PON1: variants seen among roughly 807,000 people sequenced by gnomAD.
PON1 encodes the protein paraoxonase 1, also known as serum paraoxonase/arylesterase 1.
PON1 carries 37 observed loss-of-function variants against 39.2 expected under a neutral mutation model. That is an observed-to-expected ratio of 0.94 (90% CI 0.73 to 1.24). The LOEUF is 1.24. Ranked by LOEUF, PON1 falls within the 50% of genes most tolerant of loss-of-function variation. The pLI, the probability that PON1 is intolerant of heterozygous loss-of-function variation, is 0.00. For missense variants in PON1, 397 were observed against 413.5 expected, an observed-to-expected ratio of 0.96 and a Z score of 0.35; for synonymous variants, 148 against 152.2, an observed-to-expected ratio of 0.97 and a Z score of 0.21.
intron 7 of PON1, 198 bp from the exon 8 acceptor site, chr7:95,302,531 C>T (rs1417380519): frequency 7.0e-6 from 4 of 570,540 alleles, no homozygotes; most frequent in Non-Finnish European, 1.2e-5. Context: ...TGTCAGTTTC[C>T]AGGGCAGAAT....
chr7:95,318,212 C>G, intron 2 of PON1, 111 bp downstream of exon 2: 1 of 883,148 alleles, frequency 1.1e-6, no homozygotes. Flanking sequence ...CACTGACTCT[C>G]CTGATTCAAA....
chr7:95,321,856 A>G (rs1042396823), intron 1 of PON1, among the ~76,000 whole-genome samples: 5 of 152,312 alleles, frequency 3.3e-5, no homozygotes, highest in African/African-American at 1.2e-4. Context: ...ACCCTCAGGA[A>G]CCTTCACATA....
chr7:95,319,104 G>T (rs532130720), intron 1 of PON1, among the ~76,000 whole-genome samples: 1 of 147,328 alleles, frequency 6.8e-6, no homozygotes, highest in Non-Finnish European at 1.5e-5. Context: ...GACGACGTTA[G>T]CACAACCAAG....
rs529548710 is a variant in PON1 at position 95,323,487 on chromosome 7, A to C, written c.74+915T>G. Among the ~76,000 whole-genome samples the C allele has an allele frequency of 2.6e-5, 4 of 152,260 alleles. No homozygotes were observed. In the East Asian group the frequency reaches 7.7e-4, roughly 29 times the overall value. The stretch of plus-strand genomic sequence containing the variant: ...CTGAATGTAAGCTTCTAATTAGTCC[A>C]TAAGCTCATATAATTTTTTTATATT... On this transcript the variant is annotated intron_variant, in intron 1 of 8. Transcript: ENST00000222381.
chr7:95,317,190 C>T (rs1807786628), intron 2 of PON1, among the ~76,000 whole-genome samples: 1 of 151,992 alleles, frequency 6.6e-6, no homozygotes, highest in Non-Finnish European at 1.5e-5. Flanking sequence ...TCAATTAAAC[C>T]CTTGGAAAGC....
At chr7:95,311,257 A>G (rs950644943) in intron 5 of PON1, among the ~76,000 whole-genome samples, 194 bp downstream of exon 5, 1 of 152,140 alleles carries the variant, frequency 6.6e-6, no homozygotes, top group Non-Finnish European at 1.5e-5. Context: ...GAGAAACAAG[A>G]GAGGAAAAGA....
At chr7:95,316,629 T>G (rs1807775182) in intron 3 of PON1, 105 bp downstream of exon 3, 1 of 940,662 alleles carries the variant, frequency 1.1e-6, no homozygotes. Flanking sequence ...ACTGTTCATT[T>G]TATTTGAAAG....
At chr7:95,318,720 A>C (rs1477922421) in intron 1 of PON1, 3 of 279,182 alleles carry the variant, frequency 1.1e-5, no homozygotes, top group African/African-American at 6.5e-5. Context: ...GGTAAATGGC[A>C]ACATGGTTCC....
At chr7:95,299,792 A>G (rs1225339832) in intron 8 of PON1, among the ~76,000 whole-genome samples, 1 of 152,026 alleles carries the variant, frequency 6.6e-6, no homozygotes, top group African/African-American at 2.4e-5. Context: ...GTAAGTTAAT[A>G]CTTAATAAAC....
chr7:95,300,926 C>T (rs1807407682), intron 8 of PON1, among the ~76,000 whole-genome samples: 1 of 151,846 alleles, frequency 6.6e-6, no homozygotes, highest in South Asian at 2.1e-4. Flanking sequence ...AATTGTCCTG[C>T]AAACCTAGAG....
chr7:95,303,134 G>A (rs1807468803), intron 7 of PON1, among the ~76,000 whole-genome samples: 1 of 152,188 alleles, frequency 6.6e-6, no homozygotes, highest in Admixed American at 6.5e-5. Flanking sequence ...CAGAGAACCT[G>A]TAAATAACTG....
intron 7 of PON1, among the ~76,000 whole-genome samples, chr7:95,304,526 G>A (rs1299297416): frequency 6.6e-6 from 1 of 151,828 alleles, no homozygotes; most frequent in African/African-American, 2.4e-5. Context: ...TAGAGACGGG[G>A]TTTCACCATA....
chr7:95,301,645 G>A (rs1276227493), intron 8 of PON1, among the ~76,000 whole-genome samples: 5 of 152,048 alleles, frequency 3.3e-5, no homozygotes, highest in African/African-American at 1.2e-4. Context: ...CACATTTTGT[G>A]TATAGTCCGT....
At chr7:95,306,652 C>T (rs1206302191) in intron 6 of PON1, among the ~76,000 whole-genome samples, 1 of 152,186 alleles carries the variant, frequency 6.6e-6, no homozygotes, top group Non-Finnish European at 1.5e-5. Flanking sequence ...AAATGCATTA[C>T]AGCGTTTCTC....
At chr7:95,311,252 A>T (rs1295466112) in intron 5 of PON1, among the ~76,000 whole-genome samples, 199 bp downstream of exon 5, 1 of 152,176 alleles carries the variant, frequency 6.6e-6, no homozygotes, top group Non-Finnish European at 1.5e-5. Flanking sequence ...AGCTCGAGAA[A>T]CAAGAGAGGA....
At chr7:95,317,270 T>C (rs997268838) in intron 2 of PON1, among the ~76,000 whole-genome samples, 4 of 152,144 alleles carry the variant, frequency 2.6e-5, no homozygotes, top group African/African-American at 9.7e-5. Flanking sequence ...TGATCAAGAA[T>C]ATGAATTTTT....
At chr7:95,307,987 C>T (rs1585694709) in intron 6 of PON1, 24 bp downstream of exon 6, 1 of 1,593,522 alleles carries the variant, frequency 6.3e-7, no homozygotes, top group Non-Finnish European at 8.6e-7. Context: ...AGTAAATCCA[C>T]TACATTTCAG....
At chr7:95,320,087 C>G (rs2116326049) in intron 1 of PON1, among the ~76,000 whole-genome samples, 1 of 152,234 alleles carries the variant, frequency 6.6e-6, no homozygotes, top group Middle Eastern at 3.4e-3. Context: ...ATGGTCATAA[C>G]CGAGGACAAC....
intron 4 of PON1, among the ~76,000 whole-genome samples, chr7:95,312,771 G>A (rs3917515): frequency 0.087 from 13,195 of 151,642 alleles, 747 homozygotes; most frequent in African/African-American, 0.14. Context: ...CAAAGGCCCC[G>A]GGGCAGAACT....
Sources: allele counts gnomAD v4.1 joint callset (sites outside exome capture counted in the v4.1 genomes callset), GRCh38; gene constraint gnomAD v4.1.1; transcripts MANE v1.5; gene names NCBI Gene and HGNC (gene_info 2026-07-23, HGNC 2026-07-21).